The following ME2 variants were observed in gnomAD, a reference collection of about 807,000 sequenced individuals.
ME2 encodes NAD-dependent malic enzyme, mitochondrial.
A neutral mutation model predicts 73.7 loss-of-function variants in ME2; 60 were observed. The observed-to-expected ratio is 0.81, with a 90% confidence interval of 0.66 to 1.01. The LOEUF (loss-of-function observed/expected upper bound fraction) is 1.01. ME2 is among the 50% of genes least tolerant of loss of function. The pLI, the probability that ME2 is intolerant of heterozygous loss-of-function variation, is 0.00. For synonymous variants in ME2, 199 were observed against 236.9 expected, an observed-to-expected ratio of 0.84 and a Z score of 1.47; for missense variants, 594 against 705.5, an observed-to-expected ratio of 0.84 and a Z score of 1.79.
intron 2 of ME2, among the ~76,000 whole-genome samples, chr18:50,904,435 C>T (rs1311859670): frequency 1.3e-5 from 2 of 151,958 alleles, no homozygotes; most frequent in African/African-American, 4.8e-5. Context: ...CCCACCACCA[C>T]ACCTGGCTTA....
intron 2 of ME2, among the ~76,000 whole-genome samples, chr18:50,897,658 C>T (rs1256519829): frequency 6.6e-6 from 1 of 151,872 alleles, no homozygotes. Context: ...GTTGGGAGTT[C>T]GAGACCAGCC....
chr18:50,925,974 T>TTAGAACAA, intron 12 of ME2, 76 bp downstream of exon 12: 8 of 1,060,136 alleles, frequency 7.5e-6, no homozygotes, highest in Non-Finnish European at 1.1e-5. Flanking sequence ...TCTTACACCA[T>TTAGAACAA]TGTTCTAATG....
intron 8 of ME2, 36 bp downstream of exon 8, chr18:50,920,601 T>A (rs910082392): frequency 5.1e-6 from 8 of 1,569,308 alleles, no homozygotes; most frequent in Non-Finnish European, 6.0e-6. Flanking sequence ...TGATTCCTAC[T>A]TTTTAAACAT....
intron 3 of ME2, among the ~76,000 whole-genome samples, chr18:50,911,960 G>A (rs777525280): frequency 5.9e-5 from 9 of 152,184 alleles, no homozygotes; most frequent in Non-Finnish European, 1.2e-4. Flanking sequence ...AGAAATGATG[G>A]TAGCTTGTAC....
chr18:50,916,349 C>T (rs1917284006), intron 5 of ME2, 106 bp downstream of exon 5: 1 of 838,404 alleles, frequency 1.2e-6, no homozygotes, highest in Non-Finnish European at 1.9e-6. Context: ...TTATTTTGCA[C>T]TTATATACAT....
At chr18:50,880,512 C>T (rs1412988490) in intron 1 of ME2, among the ~76,000 whole-genome samples, 3 of 152,172 alleles carry the variant, frequency 2.0e-5, no homozygotes, top group African/African-American at 7.2e-5. Flanking sequence ...ATAGGCCGTT[C>T]GCGGTGGCTC....
intron 12 of ME2, among the ~76,000 whole-genome samples, chr18:50,927,570 C>T (rs552251421): frequency 1.3e-5 from 2 of 151,170 alleles, no homozygotes; most frequent in Admixed American, 1.3e-4. Flanking sequence ...GATGTGGTGG[C>T]GGGTGCCTTT....
chr18:50,888,907 C>T (rs949179506), intron 1 of ME2, among the ~76,000 whole-genome samples: 1 of 152,002 alleles, frequency 6.6e-6, no homozygotes, highest in African/African-American at 2.4e-5. Context: ...AATAGATGTA[C>T]ATAGTTTCAG....
chr18:50,943,934 G>A (rs1355936260), intron 15 of ME2, among the ~76,000 whole-genome samples: 1 of 152,096 alleles, frequency 6.6e-6, no homozygotes, highest in African/African-American at 2.4e-5. Flanking sequence ...GAGATTACTG[G>A]GCCAGGCAGA....
chr18:50,934,948 T>C (rs1366024745), intron 13 of ME2: 1 of 152,106 alleles, frequency 6.6e-6, no homozygotes, highest in African/African-American at 2.4e-5. Flanking sequence ...AGGAAGAAAG[T>C]GGCTAAGAGG....
rs533447243 is a variant in ME2 at position 50,884,495 on chromosome 18, G to A, written c.-13+5187G>A. ...CCCGAGTAGCTGGGACTACAGGCAC[G>A]CACCACCATGCCCGGCTAATTTTTG... On this transcript the variant is annotated intron_variant, in intron 1 of 15. Transcript: ENST00000321341. 2.0e-5 allele frequency among the ~76,000 whole-genome samples: 3 copies of A among 151,856 alleles called. No individual in the cohort carries two copies. In the South Asian group the frequency reaches 6.2e-4, roughly 32 times the overall value.
At chr18:50,880,487 T>C (rs961080412) in intron 1 of ME2, among the ~76,000 whole-genome samples, 7 of 152,378 alleles carry the variant, frequency 4.6e-5, no homozygotes, top group Middle Eastern at 6.8e-3. Flanking sequence ...AACAGTTGTT[T>C]TTAAAAACAT....
chr18:50,889,236 G>A (rs1916551411), intron 1 of ME2, among the ~76,000 whole-genome samples: 1 of 152,148 alleles, frequency 6.6e-6, no homozygotes, highest in Non-Finnish European at 1.5e-5. Context: ...ACTTAGGGTA[G>A]AGCCCCTAGG....
intron 13 of ME2, among the ~76,000 whole-genome samples, chr18:50,936,908 G>A (rs1459896214): frequency 6.6e-6 from 1 of 152,084 alleles, no homozygotes; most frequent in Non-Finnish European, 1.5e-5. Context: ...TGTAGCCTGG[G>A]CAATAGAGCG....
At chr18:50,920,355 A>G (rs1435858541) in intron 7 of ME2, 101 bp from the exon 8 acceptor site, 14 of 822,596 alleles carry the variant, frequency 1.7e-5, no homozygotes, top group Admixed American at 3.2e-5. Flanking sequence ...TTGAACTAAC[A>G]TAATACATTA....
intron 12 of ME2, among the ~76,000 whole-genome samples, chr18:50,928,208 G>C (rs1296079898): frequency 6.7e-6 from 1 of 150,022 alleles, no homozygotes; most frequent in Non-Finnish European, 1.5e-5. Context: ...GTTCTGTCTT[G>C]GTTATCAGGT....
intron 13 of ME2, chr18:50,933,307 T>C (rs549870670): frequency 1.3e-5 from 2 of 152,342 alleles, no homozygotes; most frequent in African/African-American, 4.8e-5. Context: ...TTTTTTCTTC[T>C]GGTAGGTCTT....
chr18:50,916,971 G>T (rs543023069), intron 5 of ME2: 16 of 155,744 alleles, frequency 1.0e-4, no homozygotes, highest in African/African-American at 3.4e-4. Context: ...TTTGGCCTAG[G>T]TTATTGTGTT....
rs1918245016 is a variant in ME2, at chr18:50,952,440, G to A, written c.*5256G>A. Reference sequence around the variant, plus strand: ...AATAAGGAAAATTGTGCATCTCAAAGAGAAAAGTAAATATGGAAATATGTT... The same window carrying A: ...AATAAGGAAAATTGTGCATCTCAAAAAGAAAAGTAAATATGGAAATATGTT... On this transcript the variant is annotated 3_prime_UTR_variant, in exon 16 of 16. Transcript: ENST00000321341. 1 of 152,102 alleles carries A rather than the reference G, an allele frequency of 6.6e-6. No individual in the cohort carries two copies. The highest frequency in any genetic ancestry group is 1.5e-5 in the Non-Finnish European group (1 of 68,014). 9.4% of individuals were successfully genotyped at this position (152,102 alleles called of 1,614,324 possible).
Sources: gnomAD v4.1 joint callset for allele counts (sites outside exome capture counted in the v4.1 genomes callset) on GRCh38, gnomAD v4.1.1 for gene constraint, MANE v1.5 for transcripts, NCBI Gene and HGNC (gene_info 2026-07-23, HGNC 2026-07-21) for gene names.